PTPRN2: variants seen among roughly 807,000 people sequenced by gnomAD.
PTPRN2 encodes protein tyrosine phosphatase receptor type N2.
Under a neutral mutation model 118.8 loss-of-function variants are expected in PTPRN2, and 74 were observed. That is an observed-to-expected ratio of 0.62 (90% CI 0.52 to 0.76). PTPRN2 has a LOEUF of 0.76. Among genes scored for constraint, PTPRN2 ranks in the 30% least tolerant of loss-of-function variants. The pLI, the probability that PTPRN2 is intolerant of heterozygous loss-of-function variation, is 0.00. For missense variants in PTPRN2, 1,481 were observed against 1,394.4 expected, an observed-to-expected ratio of 1.06 and a Z score of -0.99; for synonymous variants, 641 against 608.0, an observed-to-expected ratio of 1.05 and a Z score of -0.80.
chr7:158,325,460 G>A (rs1803424147), intron 2 of PTPRN2, among the ~76,000 whole-genome samples: 2 of 152,082 alleles, frequency 1.3e-5, no homozygotes, highest in African/African-American at 4.8e-5. Flanking sequence ...GTATTTCAAA[G>A]TGAGGCAATT....
At chr7:158,104,221 C>A (rs535692784) in intron 10 of PTPRN2, among the ~76,000 whole-genome samples, 3 of 152,292 alleles carry the variant, frequency 2.0e-5, no homozygotes, top group Admixed American at 2.0e-4. Flanking sequence ...CTTTTCTGTG[C>A]TTCCTCACTA....
chr7:157,789,740 A>G (rs1286872508), intron 12 of PTPRN2, among the ~76,000 whole-genome samples: 1 of 133,984 alleles, frequency 7.5e-6, no homozygotes, highest in Non-Finnish European at 1.6e-5. Flanking sequence ...TGTGGGGTAC[A>G]TGTGTGGTGT....
chr7:158,113,966 TG>T (rs1816512384), intron 9 of PTPRN2, among the ~76,000 whole-genome samples: 1 of 152,154 alleles, frequency 6.6e-6, no homozygotes, highest in African/African-American at 2.4e-5. Context: ...CCCCTACATC[TG>T]GGTACCCCTC....
chr7:157,598,368 A>C lies in PTPRN2; in HGVS notation c.2419-3053T>G, dbSNP rs4716761. 1.3e-5 allele frequency among the ~76,000 whole-genome samples: 2 copies of C among 150,490 alleles called. No homozygotes were observed. Among genetic ancestry groups the C allele is most frequent in the African/African-American group, 5.0e-5 (2 of 40,110 alleles). On this transcript the variant is annotated intron_variant, in intron 16 of 22. Transcript: ENST00000389418. This position sits in a 1 kb window ranked among gnomAD's most constrained non-coding sequence, Gnocchi z 5.2. ...GTGGGAAAAGGCCTGTCATATCTCC[A>C]GGCCTCAGTCTCCGTATCTGTATGG... is the stretch of plus-strand genomic sequence containing the variant.
chr7:158,511,553 T>G (rs896023105), intron 1 of PTPRN2, among the ~76,000 whole-genome samples: 2 of 152,200 alleles, frequency 1.3e-5, no homozygotes, highest in Non-Finnish European at 2.9e-5. Flanking sequence ...CCCATACCTG[T>G]CTCTGTAGAC....
chr7:157,749,299 G>A (rs1258116432), intron 12 of PTPRN2, among the ~76,000 whole-genome samples: 1 of 145,802 alleles, frequency 6.9e-6, no homozygotes, highest in African/African-American at 2.6e-5. Context: ...TGAGGCCTGC[G>A]TCCCTGAGGT....
intron 1 of PTPRN2, among the ~76,000 whole-genome samples, chr7:158,530,192 C>T (rs1199834472): frequency 1.3e-5 from 2 of 152,078 alleles, no homozygotes; most frequent in East Asian, 1.9e-4. Flanking sequence ...CAAAGCCTGT[C>T]GATCCAAAAT....
intron 12 of PTPRN2, among the ~76,000 whole-genome samples, chr7:157,890,759 G>A (rs762569042): frequency 4.6e-5 from 7 of 152,154 alleles, no homozygotes; most frequent in Non-Finnish European, 8.8e-5. Context: ...CAGGGCCTCC[G>A]GTCTCACACA....
chr7:158,481,491 G>C (rs944771115), intron 2 of PTPRN2, among the ~76,000 whole-genome samples: 2 of 152,244 alleles, frequency 1.3e-5, no homozygotes, highest in Non-Finnish European at 2.9e-5. Flanking sequence ...TTGAGGTAGA[G>C]TCTTGCTCTG....
intron 3 of PTPRN2, among the ~76,000 whole-genome samples, chr7:158,280,725 T>A (rs1004627391): frequency 6.6e-6 from 1 of 152,204 alleles, no homozygotes; most frequent in East Asian, 1.9e-4. Flanking sequence ...GAACGTGTTA[T>A]CAATTTTAAA....
intron 12 of PTPRN2, among the ~76,000 whole-genome samples, chr7:157,723,530 C>G (rs183262946): frequency 6.6e-6 from 1 of 152,230 alleles, no homozygotes; most frequent in Non-Finnish European, 1.5e-5. Context: ...AGCACTTTCT[C>G]CCTCCTCTCC....
intron 1 of PTPRN2, among the ~76,000 whole-genome samples, chr7:158,556,185 T>C (rs1490722822): frequency 1.3e-5 from 2 of 152,150 alleles, no homozygotes; most frequent in Non-Finnish European, 2.9e-5. Flanking sequence ...TAGGTGGATA[T>C]AGATGATGGA....
intron 17 of PTPRN2, among the ~76,000 whole-genome samples, chr7:157,581,135 C>T (rs1338073059): frequency 2.6e-5 from 4 of 151,760 alleles, no homozygotes; most frequent in Non-Finnish European, 5.9e-5. Context: ...ACACCAGCAC[C>T]TGCACACACC....
intron 14 of PTPRN2, among the ~76,000 whole-genome samples, chr7:157,639,510 C>T (rs756487294): frequency 3.9e-5 from 6 of 152,204 alleles, no homozygotes; most frequent in African/African-American, 9.7e-5. Flanking sequence ...TCCACAGACA[C>T]GTAGAATGCT....
intron 6 of PTPRN2, among the ~76,000 whole-genome samples, chr7:158,153,295 A>G (rs1048714999): frequency 2.6e-5 from 4 of 152,214 alleles, no homozygotes; most frequent in Non-Finnish European, 5.9e-5. Context: ...TGATTCTTCC[A>G]GTACACTAAG....
intron 12 of PTPRN2, among the ~76,000 whole-genome samples, chr7:157,768,212 G>A (rs1802596792): frequency 6.6e-6 from 1 of 152,222 alleles, no homozygotes; most frequent in Non-Finnish European, 1.5e-5. Context: ...TCCCCAGATT[G>A]CTGGAATATC....
chr7:158,127,297 C>T (rs1366873761), intron 9 of PTPRN2, among the ~76,000 whole-genome samples: 1 of 147,402 alleles, frequency 6.8e-6, no homozygotes, highest in East Asian at 1.9e-4. Flanking sequence ...CTGCGTCCTC[C>T]TCTGCGTGCA....
intron 11 of PTPRN2, among the ~76,000 whole-genome samples, chr7:158,053,982 C>CGCAGAGACTCCAGAGAT (rs1563366423): frequency 1.1e-4 from 13 of 120,230 alleles, no homozygotes; most frequent in Admixed American, 4.4e-4. Context: ...ACCCTAGAGA[C>CGCAGAGACTCCAGAGAT]GCAGAGACCC....
chr7:158,332,518 G>T (rs1370417140), intron 2 of PTPRN2, among the ~76,000 whole-genome samples: 1 of 133,876 alleles, frequency 7.5e-6, no homozygotes, highest in Non-Finnish European at 1.6e-5. Flanking sequence ...AAGAGCTGAG[G>T]CACAAAGAGG....
Sources: gnomAD v4.1 joint callset for allele counts (sites outside exome capture counted in the v4.1 genomes callset) on GRCh38, gnomAD v4.1.1 for gene constraint, Gnocchi (gnomAD v3.1) non-coding constraint, MANE v1.5 for transcripts, NCBI Gene and HGNC (gene_info 2026-07-23, HGNC 2026-07-21) for gene names.